The following ATG10 variants were observed in gnomAD, a reference collection of about 807,000 sequenced individuals.
ATG10 encodes the protein ubiquitin-like-conjugating enzyme ATG10.
Under a neutral mutation model 32.1 loss-of-function variants are expected in ATG10, and 30 were observed. That is an observed-to-expected ratio of 0.94 (90% CI 0.70 to 1.27). The LOEUF (loss-of-function observed/expected upper bound fraction) is 1.27. Ranked by LOEUF, ATG10 falls within the 50% of genes most tolerant of loss-of-function variation. The probability of loss-of-function intolerance (pLI) is 0.00; values close to 1 mark genes in which losing one functional copy is unlikely to be tolerated. For synonymous variants in ATG10, 87 were observed against 91.5 expected, an observed-to-expected ratio of 0.95 and a Z score of 0.28; for missense variants, 233 against 262.3, an observed-to-expected ratio of 0.89 and a Z score of 0.77.
chr5:82,128,121 T>G (rs1766354633), intron 3 of ATG10, among the ~76,000 whole-genome samples: 1 of 152,108 alleles, frequency 6.6e-6, no homozygotes, highest in Non-Finnish European at 1.5e-5. Flanking sequence ...TTTTTTGTTT[T>G]TTTGCCTTCC....
intron 3 of ATG10, among the ~76,000 whole-genome samples, chr5:82,128,482 G>T (rs186526007): frequency 6.6e-6 from 1 of 151,790 alleles, no homozygotes. Context: ...AGGCAGGCCT[G>T]GTGGTGACAA....
intron 2 of ATG10, among the ~76,000 whole-genome samples, chr5:82,000,677 T>C (rs565383451): frequency 6.6e-6 from 1 of 152,284 alleles, no homozygotes; most frequent in South Asian, 2.1e-4. Context: ...TTGTTTGTTT[T>C]TGAGATGGAG....
chr5:82,226,408 G>C (rs1746133339), intron 5 of ATG10, among the ~76,000 whole-genome samples: 1 of 151,806 alleles, frequency 6.6e-6, no homozygotes, highest in Non-Finnish European at 1.5e-5. Context: ...ACTATGTATA[G>C]TCAGTGAAAT....
At chr5:82,097,386 T>G (rs1765105714) in intron 3 of ATG10, among the ~76,000 whole-genome samples, 1 of 152,138 alleles carries the variant, frequency 6.6e-6, no homozygotes. Context: ...TTGCTTAAAT[T>G]ATGTGAAAAG....
rs577204529 is a variant in ATG10 at position 82,032,875 on chromosome 5, A to G, written c.109-25620A>G. 3.9e-4 allele frequency among the ~76,000 whole-genome samples: 60 copies of G among 152,198 alleles called. 1 individual carries two copies. In the South Asian group the frequency reaches 5.2e-3, roughly 13 times the overall value. On this transcript the variant is annotated intron_variant, in intron 2 of 7. Coordinates refer to ENST00000282185, the MANE Select transcript of ATG10 (RefSeq NM_031482.5). ...CATCTAATCCCTTTGAGGGATTTTG[A>G]GAAAGGAAGGCCAAGAGGAGTTTAG...
intron 5 of ATG10, among the ~76,000 whole-genome samples, chr5:82,227,617 C>T (rs1294869721): frequency 6.6e-6 from 1 of 152,122 alleles, no homozygotes; most frequent in Non-Finnish European, 1.5e-5. Context: ...CTCAGGTGAT[C>T]CGCCTGCCTC....
intron 3 of ATG10, among the ~76,000 whole-genome samples, chr5:82,127,543 C>T (rs1027613614): frequency 6.6e-6 from 1 of 151,982 alleles, no homozygotes; most frequent in African/African-American, 2.4e-5. Flanking sequence ...CATTATTTGC[C>T]CAGTGGTCAT....
chr5:82,156,929 C>T (rs763608812), intron 3 of ATG10, among the ~76,000 whole-genome samples: 8 of 152,178 alleles, frequency 5.3e-5, no homozygotes, highest in Non-Finnish European at 1.2e-4. Context: ...TTTTACTTGG[C>T]GTGTTTGCTG....
chr5:82,243,080 T>C (rs141629912), intron 5 of ATG10, among the ~76,000 whole-genome samples: 3 of 152,218 alleles, frequency 2.0e-5, no homozygotes, highest in East Asian at 1.9e-4. Context: ...TACAGAATAA[T>C]TGTACATTTT....
chr5:82,015,498 C>G (rs1449588414), intron 2 of ATG10, among the ~76,000 whole-genome samples: 1 of 152,126 alleles, frequency 6.6e-6, no homozygotes, highest in Middle Eastern at 3.2e-3. Context: ...TCACATAGTC[C>G]CATATTTCTT....
At chr5:82,177,064 C>A (rs1398870703) in intron 4 of ATG10, among the ~76,000 whole-genome samples, 2 of 152,058 alleles carry the variant, frequency 1.3e-5, no homozygotes, top group African/African-American at 4.8e-5. Flanking sequence ...AGAAATGAAT[C>A]TTTTAGGTTT....
intron 1 of ATG10, among the ~76,000 whole-genome samples, chr5:81,981,893 TAC>T (rs1005043292): frequency 6.6e-6 from 1 of 152,220 alleles, no homozygotes; most frequent in Non-Finnish European, 1.5e-5. Flanking sequence ...AATGATTATA[TAC>T]AGTGTTAGAA....
At chr5:82,160,203 A>G (rs1743258531) in intron 3 of ATG10, among the ~76,000 whole-genome samples, 1 of 152,146 alleles carries the variant, frequency 6.6e-6, no homozygotes. Context: ...CCAGTCCCCC[A>G]ACACTAATCT....
chr5:81,997,462 A>G (rs1761700921), intron 2 of ATG10, among the ~76,000 whole-genome samples: 1 of 152,218 alleles, frequency 6.6e-6, no homozygotes, highest in Non-Finnish European at 1.5e-5. Context: ...TGTAAGAACT[A>G]TGGCAACTCA....
At chr5:82,081,341 A>G (rs1764474549) in intron 3 of ATG10, among the ~76,000 whole-genome samples, 1 of 152,112 alleles carries the variant, frequency 6.6e-6, no homozygotes, top group Non-Finnish European at 1.5e-5. Context: ...CTAATTGAAT[A>G]CCCTTTATTT....
chr5:82,239,681 G>A (rs989785700), intron 5 of ATG10, among the ~76,000 whole-genome samples: 1 of 151,992 alleles, frequency 6.6e-6, no homozygotes, highest in Non-Finnish European at 1.5e-5. Flanking sequence ...TAAATATTGG[G>A]TCAAAAGCTT....
chr5:82,139,814 C>T (rs1766989811), intron 3 of ATG10, among the ~76,000 whole-genome samples: 1 of 136,842 alleles, frequency 7.3e-6, no homozygotes, highest in Non-Finnish European at 1.6e-5. Context: ...CTCAGCCCGG[C>T]CAGCCACCCC....
chr5:81,987,806 G>A (rs1343955969), intron 2 of ATG10, 128 bp downstream of exon 2: 1 of 631,290 alleles, frequency 1.6e-6, no homozygotes, highest in Non-Finnish European at 2.8e-6. Flanking sequence ...TTTAGTAAAA[G>A]TCTTAAATTG....
intron 3 of ATG10, among the ~76,000 whole-genome samples, chr5:82,135,985 G>T (rs566386264): frequency 6.6e-6 from 1 of 151,970 alleles, no homozygotes; most frequent in African/African-American, 2.4e-5. Flanking sequence ...GCCCTTCTTT[G>T]TCCTTTTGAT....
Sources: allele counts gnomAD v4.1 joint callset (sites outside exome capture counted in the v4.1 genomes callset), GRCh38; gene constraint gnomAD v4.1.1; transcripts MANE v1.5; gene names NCBI Gene and HGNC (gene_info 2026-07-23, HGNC 2026-07-21).